The following CLDN22 variants were observed in gnomAD, a reference collection of about 807,000 sequenced individuals.
CLDN22 encodes the protein claudin-22.
For missense variants in CLDN22, 227 were observed against 252.2 expected (o/e 0.90, Z 0.68); for synonymous variants, 86 against 107.9 (o/e 0.80, Z 1.26).
In CLDN22 at chr4:183,320,180, T is replaced by A; in HGVS notation, c.39A>T (p.Gly13=). The A allele has an allele frequency of 6.2e-7, 1 of 1,614,138 alleles. No individual in the cohort carries two copies. Among genetic ancestry groups the A allele is most frequent in the Non-Finnish European group, 8.5e-7 (1 of 1,180,022 alleles). ...CCCATCCCAGCAAAGATAATGAAAC[T>A]CCAGCTAGTTGAGCTACAGTTCTAA... ...LVFRTVAQLA[G]VSLSLLGWVL... is the part of the protein sequence containing the mutation. The change falls in exon 1 of 1, where the codon GGA becomes GGT. Residue 13 remains glycine (G), a synonymous_variant. Transcript: ENST00000323319.
Position 183,319,672 on chromosome 4 carries a change from G to A in CLDN22, c.547C>T (p.Leu183Phe). 6.2e-7 allele frequency: 1 copy of A among 1,614,124 alleles called. No individual in the cohort carries two copies. Among genetic ancestry groups the A allele is most frequent in the Non-Finnish European group, 8.5e-7 (1 of 1,180,018 alleles). ...TGGCTGGAGCAGGCTGCACAGTGGAGCAGACACCCTCCTAGCAGAAGAGAA... is the reference window on the plus strand; with the variant it reads ...TGGCTGGAGCAGGCTGCACAGTGGAACAGACACCCTCCTAGCAGAAGAGAA... ...GLSLLLGGCL[L>F]HCAACSSHAP... is the part of the protein sequence containing the mutation. Residue 183 changes from leucine to phenylalanine, a missense_variant, in exon 1 of 1, where the codon CTC becomes TTC. By Grantham distance (22) the Leu-to-Phe change is conservative (BLOSUM62 0). Transcript: ENST00000323319.
At position 183,319,150 on chromosome 4, in the gene CLDN22, T is replaced by C. The variant is rs1739546252; in HGVS notation, c.*406A>G. On this transcript the variant is annotated 3_prime_UTR_variant, in exon 1 of 1. Transcript: ENST00000323319. ...TTATATAATAAGACGTCATGCATTT[T>C]AAATAAATATGCAACAAGACCTCAG... 6.2e-6 allele frequency: 1 copy of C among 162,146 alleles called. No homozygotes were observed. The highest frequency in any genetic ancestry group is 1.6e-4 in the South Asian group (1 of 6,074). The allele number at this position is 162,146 out of a possible 1,614,324, so 10.0% of individuals were successfully genotyped here. A position where few individuals can be genotyped will look rare whatever the true frequency, so the allele number is the denominator to read the frequency against.
Position 183,319,804 on chromosome 4 carries a change from A to G in CLDN22, c.415T>C (p.Trp139Arg), listed in dbSNP as rs989691487. 2 of 1,613,966 alleles carry G rather than the reference A, an allele frequency of 1.2e-6. No individual in the cohort carries two copies. Among genetic ancestry groups the G allele is most frequent in the Non-Finnish European group, 1.7e-6 (2 of 1,179,914 alleles). The change falls in exon 1 of 1, where the codon TGG becomes CGG. Residue 139 changes from tryptophan to arginine, a missense_variant. Physicochemically the swap from Trp to Arg is moderately radical, Grantham distance 101. Transcript: ENST00000323319. ...SGVTALVPVSWVAHKTVQEFW... is the reference protein window; with the variant it reads ...SGVTALVPVSRVAHKTVQEFW... ...TCCTGAACCGTCTTGTGGGCAACCC[A>G]AGAGACGGGAACCAGGGCTGTGACT... is the stretch of plus-strand genomic sequence containing the variant.
In CLDN22 at chr4:183,320,039, C is replaced by G; in HGVS notation, c.180G>C (p.Val60=). 1 of 1,614,062 alleles carries G rather than the reference C, an allele frequency of 6.2e-7. No individual in the cohort carries two copies. The highest frequency in any genetic ancestry group is 8.5e-7 in the Non-Finnish European group (1 of 1,179,970). Residue 60 remains valine, a synonymous_variant, in exon 1 of 1, where the codon GTG becomes GTC. Coordinates refer to ENST00000323319, the MANE Select transcript of CLDN22 (RefSeq NM_001111319.3). Reference sequence around the variant, plus strand: ...AGTCAAAGTCCTTGCATTGCATCCCCACTTCCTCTTGGATGACACAGGTTT... The same window carrying G: ...AGTCAAAGTCCTTGCATTGCATCCCGACTTCCTCTTGGATGACACAGGTTT... ...LWQTCVIQEE[V]GMQCKDFDSF...
In CLDN22 at chr4:183,320,238, T is replaced by C; in HGVS notation, c.-20A>G. ...AGCCATTATAATGTCCTGAGAGCTT[T>C]AGCCAAACTAACTCCTGCCCTTCGG... On this transcript the variant is annotated 5_prime_UTR_variant, in exon 1 of 1. Transcript: ENST00000323319. 1 of 1,593,884 alleles carries C rather than the reference T, an allele frequency of 6.3e-7. No homozygotes were observed. Among genetic ancestry groups the C allele is most frequent in the Non-Finnish European group, 8.5e-7 (1 of 1,170,148 alleles).
Position 183,319,426 on chromosome 4 carries a change from G to A in CLDN22, c.*130C>T, listed in dbSNP as rs751476729. On this transcript the variant is annotated 3_prime_UTR_variant, in exon 1 of 1. Coordinates refer to ENST00000323319, the MANE Select transcript of CLDN22 (RefSeq NM_001111319.3). The stretch of plus-strand genomic sequence containing the variant: ...TTACCAGTCTTGGAAAGAAACTATA[G>A]TTTAATAGCCACAGGAAAAGATGCA... 3 of 1,028,408 alleles carry A rather than the reference G, an allele frequency of 2.9e-6. No homozygotes were observed. The highest frequency in any genetic ancestry group is 4.3e-6 in the Non-Finnish European group (3 of 700,702). The allele number at this position is 1,028,408 out of a possible 1,614,324, so 63.7% of individuals were successfully genotyped here.
chr4:183,319,773 C>G lies in CLDN22; in HGVS notation c.446G>C (p.Trp149Ser). 2 of 1,614,024 alleles carry G rather than the reference C, an allele frequency of 1.2e-6. No individual in the cohort carries two copies. Among genetic ancestry groups the G allele is most frequent in the Non-Finnish European group, 1.7e-6 (2 of 1,179,970 alleles). Residue 149 changes from tryptophan to serine, a missense_variant, in exon 1 of 1, where the codon TGG (tryptophan) becomes TCG (serine). Trp to Ser is a radical substitution (Grantham distance 177). Transcript: ENST00000323319. Reference sequence around the variant, plus strand: ...GACAAAGTCTGGGACGTTCTCATCCCAGAACTCCTGAACCGTCTTGTGGGC... The same window carrying G: ...GACAAAGTCTGGGACGTTCTCATCCGAGAACTCCTGAACCGTCTTGTGGGC... ...WVAHKTVQEF[W>S]DENVPDFVPR...
Position 183,320,270 on chromosome 4 carries a change from TGAAAA to T in CLDN22, c.-57_-53del, listed in dbSNP as rs1579087061. 1 of 1,483,922 alleles carries T rather than the reference TGAAAA, an allele frequency of 6.7e-7. No homozygotes were observed. The highest frequency in any genetic ancestry group is 1.4e-5 in the African/African-American group (1 of 71,088). 91.9% of individuals were successfully genotyped at this position (1,483,922 alleles called of 1,614,324 possible). A position where few individuals can be genotyped will look rare whatever the true frequency, so the allele number is the denominator to read the frequency against. ...ACTAACTCCTGCCCTTCGGTTGCTG[TGAAAA>T]GAAGTGTGACACTTGTGTTATAACT... is the stretch of plus-strand genomic sequence containing the variant. On this transcript the variant is annotated 5_prime_UTR_variant, in exon 1 of 1. Coordinates refer to ENST00000323319, the MANE Select transcript of CLDN22 (RefSeq NM_001111319.3).
chr4:183,320,095 C>T lies in CLDN22; in HGVS notation c.124G>A (p.Glu42Lys), dbSNP rs371081192. The T allele has an allele frequency of 1.2e-4, 186 of 1,614,014 alleles. 1 individual carries two copies. The highest frequency in any genetic ancestry group is 1.0e-3 in the Admixed American group (60 of 59,992). ...HWKNLNLDLN[E>K]MENWTMGLWQ... ...AGTCCCATGGTCCAGTTTTCCATTT[C>T]ATTTAAGTCCAGGTTGAGGTTCTTC... The change falls in exon 1 of 1, where the codon GAA becomes AAA. Residue 42 changes from glutamate to lysine, a missense_variant. By Grantham distance (56) the Glu-to-Lys change is moderately conservative. Coordinates refer to ENST00000323319, the MANE Select transcript of CLDN22 (RefSeq NM_001111319.3).
Position 183,319,423 on chromosome 4 carries a change from ATAGTT to A in CLDN22, c.*128_*132del, listed in dbSNP as rs1014986815. The A allele has an allele frequency of 8.1e-6, 8 of 982,010 alleles. No homozygotes were observed. In the African/African-American group the frequency reaches 1.1e-4, roughly 14 times the overall value. The allele number at this position is 982,010 out of a possible 1,614,324, so 60.8% of individuals were successfully genotyped here. On this transcript the variant is annotated 3_prime_UTR_variant, in exon 1 of 1. Coordinates refer to ENST00000323319, the MANE Select transcript of CLDN22 (RefSeq NM_001111319.3). ...GGTTTACCAGTCTTGGAAAGAAACT[ATAGTT>A]TAATAGCCACAGGAAAAGATGCATT...
rs1329699012 is a variant in CLDN22 at position 183,319,530 on chromosome 4, A to G, written c.*26T>C. On this transcript the variant is annotated 3_prime_UTR_variant, in exon 1 of 1. Transcript: ENST00000323319. ...TCCAGTGTTGAGCAAGCGTCTCCTG[A>G]ACAGCAGACGCTTGTCCTTTCTGGC... 2 of 1,575,476 alleles carry G rather than the reference A, an allele frequency of 1.3e-6. No individual in the cohort carries two copies. Among genetic ancestry groups the G allele is most frequent in the East Asian group, 2.2e-5 (1 of 44,638 alleles).
rs749156747 is a variant in CLDN22 at position 183,320,009 on chromosome 4, G to A, written c.210C>T (p.Phe70=). 5.6e-6 allele frequency: 9 copies of A among 1,613,786 alleles called. No homozygotes were observed. The Admixed American group carries it at 1.2e-4, about 21-fold the overall frequency. The change falls in exon 1 of 1, where the codon TTC becomes TTT. Residue 70 remains phenylalanine (F), a synonymous_variant. Coordinates refer to ENST00000323319, the MANE Select transcript of CLDN22 (RefSeq NM_001111319.3). ...VGMQCKDFDS[F]LALPAELRVS... ...CCCTGAGTTCAGCAGGCAAAGCCAGGAAGGAGTCAAAGTCCTTGCATTGCA... is the reference window on the plus strand; with the variant it reads ...CCCTGAGTTCAGCAGGCAAAGCCAGAAAGGAGTCAAAGTCCTTGCATTGCA...
rs757422855 is a variant in CLDN22 at position 183,319,550 on chromosome 4, T to C, written c.*6A>G. On this transcript the variant is annotated 3_prime_UTR_variant, in exon 1 of 1. Transcript: ENST00000323319. The stretch of plus-strand genomic sequence containing the variant: ...TCCTGAACAGCAGACGCTTGTCCTT[T>C]CTGGCTTAGTGTTTCAGGTTGGTGT... 3.7e-6 allele frequency: 6 copies of C among 1,603,504 alleles called. No individual in the cohort carries two copies. Among genetic ancestry groups the C allele is most frequent in the Middle Eastern group, 1.7e-4 (1 of 6,014 alleles).
chr4:183,319,492 A>G lies in CLDN22; in HGVS notation c.*64T>C. On this transcript the variant is annotated 3_prime_UTR_variant, in exon 1 of 1. Coordinates refer to ENST00000323319, the MANE Select transcript of CLDN22 (RefSeq NM_001111319.3). ...AGCACAGTGAGATGACTAGAGCGGG[A>G]CATCCTACCAAATCCAGTGTTGAGC... 1.4e-6 allele frequency: 2 copies of G among 1,460,374 alleles called. No individual in the cohort carries two copies. 90.5% of individuals were successfully genotyped at this position (1,460,374 alleles called of 1,614,324 possible).
rs894342773 is a variant in CLDN22 at position 183,318,186 on chromosome 4, A to T, written c.*1370T>A. The T allele has an allele frequency of 6.6e-6, 1 of 152,644 alleles. No individual in the cohort carries two copies. The highest frequency in any genetic ancestry group is 2.4e-5 in the African/African-American group (1 of 41,454). 9.5% of individuals were successfully genotyped at this position (152,644 alleles called of 1,614,324 possible). A position where few individuals can be genotyped will look rare whatever the true frequency, so the allele number is the denominator to read the frequency against. Reference sequence around the variant, plus strand: ...GTTTGAATTATCAGTATATTATTACAATTTTGTATATCAGAATCTTAAGTG... The same window carrying T: ...GTTTGAATTATCAGTATATTATTACTATTTTGTATATCAGAATCTTAAGTG... On this transcript the variant is annotated 3_prime_UTR_variant, in exon 1 of 1. Transcript: ENST00000323319.
Position 183,319,379 on chromosome 4 carries a change from C to T in CLDN22, c.*177G>A. The T allele has an allele frequency of 1.4e-6, 1 of 696,102 alleles. No homozygotes were observed. The highest frequency in any genetic ancestry group is 2.4e-6 in the Non-Finnish European group (1 of 418,844). 43.1% of individuals were successfully genotyped at this position (696,102 alleles called of 1,614,324 possible). A position where few individuals can be genotyped will look rare whatever the true frequency, so the allele number is the denominator to read the frequency against. ...ATTCAGTCTTGATTGATTTTGGTCT[C>T]AGACTAGAAGATAAAAATGGTTTAC... On this transcript the variant is annotated 3_prime_UTR_variant, in exon 1 of 1. Coordinates refer to ENST00000323319, the MANE Select transcript of CLDN22 (RefSeq NM_001111319.3).
In CLDN22 at chr4:183,319,838, C is replaced by A. The variant is rs1395640259; in HGVS notation, c.381G>T (p.Trp127Cys). Reference sequence around the variant, plus strand: ...GAACCAGGGCTGTGACTCCCGAGGCCCAGGACAGAATTCCTCCCAGGATCA... The same window carrying A: ...GAACCAGGGCTGTGACTCCCGAGGCACAGGACAGAATTCCTCCCAGGATCA... ...RLLILGGILS[W>C]ASGVTALVPV... The change falls in exon 1 of 1, where the codon TGG (tryptophan) becomes TGT (cysteine). Residue 127 changes from tryptophan (W) to cysteine (C), a missense_variant. Coordinates refer to ENST00000323319, the MANE Select transcript of CLDN22 (RefSeq NM_001111319.3). The A allele has an allele frequency of 1.9e-6, 3 of 1,613,962 alleles. No individual in the cohort carries two copies. The highest frequency in any genetic ancestry group is 2.2e-5 in the South Asian group (2 of 91,066).
chr4:183,319,356 T>G lies in CLDN22; in HGVS notation c.*200A>C. The G allele has an allele frequency of 5.0e-6, 3 of 596,362 alleles. No individual in the cohort carries two copies. In the East Asian group the frequency reaches 8.3e-5, roughly 16 times the overall value. 36.9% of individuals were successfully genotyped at this position (596,362 alleles called of 1,614,324 possible). A position where few individuals can be genotyped will look rare whatever the true frequency, so the allele number is the denominator to read the frequency against. On this transcript the variant is annotated 3_prime_UTR_variant, in exon 1 of 1. Transcript: ENST00000323319. ...CCACAGTAATGGGTGTCATTACTATTCAGTCTTGATTGATTTTGGTCTCAG... is the reference window on the plus strand; with the variant it reads ...CCACAGTAATGGGTGTCATTACTATGCAGTCTTGATTGATTTTGGTCTCAG...
In CLDN22 at chr4:183,320,258, C is replaced by T; in HGVS notation, c.-40G>A. 6.4e-7 allele frequency: 1 copy of T among 1,550,818 alleles called. No homozygotes were observed. ...AGCTTTAGCCAAACTAACTCCTGCC[C>T]TTCGGTTGCTGTGAAAAGAAGTGTG... On this transcript the variant is annotated 5_prime_UTR_variant, in exon 1 of 1. Coordinates refer to ENST00000323319, the MANE Select transcript of CLDN22 (RefSeq NM_001111319.3).
Sources: gnomAD v4.1 joint callset for allele counts on GRCh38, gnomAD v4.1.1 for gene constraint, MANE v1.5 for transcripts, NCBI Gene and HGNC (gene_info 2026-07-23, HGNC 2026-07-21) for gene names.